The following SLC7A7 variants were observed in gnomAD, a reference collection of about 807,000 sequenced individuals.
SLC7A7 encodes solute carrier family 7 member 7, also known as Y+L amino acid transporter 1.
A neutral mutation model predicts 47.9 loss-of-function variants in SLC7A7; 39 were observed. That is an observed-to-expected ratio of 0.81 (90% CI 0.63 to 1.06). The LOEUF (loss-of-function observed/expected upper bound fraction) is 1.06, where lower values mean the gene tolerates loss of function less well. Among genes scored for constraint, SLC7A7 ranks in the 50% least tolerant of loss-of-function variants. The pLI is 0.00. For synonymous variants in SLC7A7, 234 were observed against 242.8 expected, an observed-to-expected ratio of 0.96 and a Z score of 0.34; for missense variants, 588 against 632.0, an observed-to-expected ratio of 0.93 and a Z score of 0.75.
intron 9 of SLC7A7, 50 bp downstream of exon 9, chr14:22,773,883 A>T: frequency 1.2e-6 from 2 of 1,611,252 alleles, no homozygotes. Context: ...AGAAAAAGGC[A>T]AAAACCAAGC....
At chr14:22,798,747 C>T (rs1347430261) in intron 2 of SLC7A7, among the ~76,000 whole-genome samples, 1 of 152,192 alleles carries the variant, frequency 6.6e-6, no homozygotes, top group Non-Finnish European at 1.5e-5. Context: ...ACTCCTTCCT[C>T]TTTCACCCTG....
chr14:22,794,337 T>A (rs17277872), intron 2 of SLC7A7, among the ~76,000 whole-genome samples: 18,599 of 152,244 alleles, frequency 0.12, 1,318 homozygotes, highest in South Asian at 0.19. Flanking sequence ...CCCGCTCTCC[T>A]TCCTGGAACT....
chr14:22,804,130 G>A (rs979171044), intron 2 of SLC7A7, among the ~76,000 whole-genome samples: 9 of 152,230 alleles, frequency 5.9e-5, no homozygotes, highest in Middle Eastern at 3.4e-3. Flanking sequence ...AAATGGTGCT[G>A]TGAGAACTGC....
chr14:22,808,357 C>T (rs1000133867), intron 2 of SLC7A7, among the ~76,000 whole-genome samples: 1 of 152,156 alleles, frequency 6.6e-6, no homozygotes, highest in Admixed American at 6.5e-5. Flanking sequence ...ACATAGCATG[C>T]CCTAATTAAA....
In SLC7A7 at chr14:22,776,297, G is replaced by C. The variant is rs770260977; in HGVS notation, c.792C>G (p.Gly264=). ...NPERNLPLSI[G]ISMPIVTIIY... ...TGATGGTGACAATGGGCATGGAGATGCCAATGGAGAGGGGCAGGTTCCTAC... is the reference window on the plus strand; with the variant it reads ...TGATGGTGACAATGGGCATGGAGATCCCAATGGAGAGGGGCAGGTTCCTAC... The change falls in exon 5 of 10, where the codon GGC becomes GGG. Residue 264 remains glycine (G), a synonymous_variant. Transcript: ENST00000674313. 6.8e-6 allele frequency: 11 copies of C among 1,614,084 alleles called. No homozygotes were observed. The Admixed American group carries it at 1.3e-4, about 20-fold the overall frequency.
At chr14:22,773,824 G>A in intron 9 of SLC7A7, 108 bp from the exon 10 acceptor site, 1 of 1,552,982 alleles carries the variant, frequency 6.4e-7, no homozygotes, top group Non-Finnish European at 8.9e-7. Flanking sequence ...AAGCCGAAGG[G>A]TTCATAAGAA....
chr14:22,780,253 C>A, intron 2 of SLC7A7: 1 of 568,330 alleles, frequency 1.8e-6, no homozygotes, highest in South Asian at 2.0e-5. Flanking sequence ...TACTCCCCAC[C>A]CCCAGCACCT....
intron 2 of SLC7A7, among the ~76,000 whole-genome samples, chr14:22,809,488 G>A (rs956271618): frequency 4.6e-5 from 7 of 151,514 alleles, no homozygotes; most frequent in East Asian, 1.9e-4. Flanking sequence ...CTATAGGCAC[G>A]CACCACCACA....
At chr14:22,786,829 G>A (rs1204062265) in intron 2 of SLC7A7, among the ~76,000 whole-genome samples, 3 of 152,090 alleles carry the variant, frequency 2.0e-5, no homozygotes, top group Admixed American at 6.5e-5. Context: ...CCAGCTACTT[G>A]GGAGGTTGAG....
chr14:22,795,422 CTT>C (rs2039001522), intron 2 of SLC7A7, among the ~76,000 whole-genome samples: 3 of 141,656 alleles, frequency 2.1e-5, no homozygotes, highest in Non-Finnish European at 4.5e-5. Flanking sequence ...TTCTTTCTTT[CTT>C]TCTTTCTTTC....
Position 22,813,699 on chromosome 14 carries a change from T to TGCAA in SLC7A7, c.-42-263_-42-260dup, listed in dbSNP as rs10644590. 0.58 allele frequency among the ~76,000 whole-genome samples: 87,825 copies of TGCAA among 151,268 alleles called. 25,873 individuals carry two copies. Among genetic ancestry groups the TGCAA allele is most frequent in the East Asian group, 0.8 (4,089 of 5,122 alleles). Reference sequence around the variant, plus strand: ...GTGGTGCAATCTCGGCTCGGCTCACTGCAACCTCAGCCTCCCGGGTTCAAG... The same window carrying TGCAA: ...GTGGTGCAATCTCGGCTCGGCTCACTGCAAGCAACCTCAGCCTCCCGGGTTCAAG... On this transcript the variant is annotated intron_variant, in intron 1 of 9. Transcript: ENST00000674313.
intron 2 of SLC7A7, among the ~76,000 whole-genome samples, chr14:22,795,712 A>G (rs2039011021): frequency 6.6e-6 from 1 of 151,570 alleles, no homozygotes; most frequent in African/African-American, 2.4e-5. Flanking sequence ...TGACCTTGTG[A>G]TCTGCCCGCC....
intron 2 of SLC7A7, among the ~76,000 whole-genome samples, chr14:22,784,360 C>T (rs1594953365): frequency 6.6e-6 from 1 of 152,224 alleles, no homozygotes; most frequent in East Asian, 1.9e-4. Context: ...TGGCTCACGC[C>T]TGTAATCCCA....
At chr14:22,792,264 A>C (rs1376129794) in intron 2 of SLC7A7, among the ~76,000 whole-genome samples, 1 of 152,100 alleles carries the variant, frequency 6.6e-6, no homozygotes, top group Non-Finnish European at 1.5e-5. Context: ...TACCTTTCAG[A>C]CTACAGAAAC....
intron 2 of SLC7A7, among the ~76,000 whole-genome samples, chr14:22,795,386 C>CTTGCTT (rs746407012): frequency 1.6e-4 from 4 of 24,718 alleles, no homozygotes; most frequent in Non-Finnish European, 2.2e-4. Context: ...TGCTTGCTTG[C>CTTGCTT]TTTCTTTCTT....
chr14:22,802,167 C>G (rs1011384605), intron 2 of SLC7A7, among the ~76,000 whole-genome samples: 1 of 152,178 alleles, frequency 6.6e-6, no homozygotes, highest in Non-Finnish European at 1.5e-5. Flanking sequence ...CTTTGGGAGG[C>G]CGAGGCAGGC....
At chr14:22,783,418 T>TAA (rs1232565590) in intron 2 of SLC7A7, among the ~76,000 whole-genome samples, 7 of 149,086 alleles carry the variant, frequency 4.7e-5, no homozygotes, top group Admixed American at 1.3e-4. Flanking sequence ...TTTTTTTTTT[T>TAA]TCGAGACAGT....
intron 2 of SLC7A7, among the ~76,000 whole-genome samples, chr14:22,780,963 C>G (rs2038707701): frequency 6.6e-6 from 1 of 152,166 alleles, no homozygotes; most frequent in Non-Finnish European, 1.5e-5. Context: ...ACAAGGGAGG[C>G]TCACGCATGC....
At chr14:22,809,599 C>A (rs781295910) in intron 2 of SLC7A7, among the ~76,000 whole-genome samples, 63 of 152,174 alleles carry the variant, frequency 4.1e-4, no homozygotes, top group Middle Eastern at 3.4e-3. Flanking sequence ...TCTCGGCCTC[C>A]CAAAGTGCTG....
Sources: allele counts gnomAD v4.1 joint callset (sites outside exome capture counted in the v4.1 genomes callset), GRCh38; gene constraint gnomAD v4.1.1; transcripts MANE v1.5; gene names NCBI Gene and HGNC (gene_info 2026-07-23, HGNC 2026-07-21).